Variants in SYT7 observed in about 807,000 individuals in gnomAD.
The protein encoded by SYT7 is synaptotagmin 7.
In SYT7, 29 loss-of-function variants were observed where a neutral mutation model predicts 75.1. The observed-to-expected ratio is 0.39, with a 90% confidence interval of 0.29 to 0.53. The LOEUF (loss-of-function observed/expected upper bound fraction) is 0.53, where lower values mean the gene tolerates loss of function less well. SYT7 is among the 20% of genes least tolerant of loss of function. The probability of loss-of-function intolerance (pLI) is 0.77; values close to 1 mark genes in which losing one functional copy is unlikely to be tolerated. For missense variants in SYT7, 693 were observed against 953.2 expected (o/e 0.73, Z 3.59); for synonymous variants, 376 against 401.7 (o/e 0.94, Z 0.76).
At chr11:61,588,276 T>G in the SYT7 span, among the ~76,000 whole-genome samples, 2 of 152,150 alleles carry the variant, frequency 1.3e-5, no homozygotes, top group African/African-American at 4.8e-5. Flanking sequence ...CCGGCAGCAC[T>G]TACTGAGCTC....
intron 3 of SYT7, among the ~76,000 whole-genome samples, chr11:61,549,466 G>T (rs2063285845): frequency 6.6e-6 from 1 of 152,202 alleles, no homozygotes; most frequent in African/African-American, 2.4e-5. Context: ...GGGGCACAAG[G>T]GCCCTGACGA....
intron 1 of SYT7, among the ~76,000 whole-genome samples, chr11:61,560,984 G>A (rs562025712): frequency 3.3e-4 from 51 of 152,284 alleles, no homozygotes; most frequent in African/African-American, 1.2e-3. Flanking sequence ...GGAACGAGCT[G>A]GCTGCCTCTA....
At chr11:61,567,470 G>T (rs1034989257) in intron 1 of SYT7, among the ~76,000 whole-genome samples, 1 of 152,164 alleles carries the variant, frequency 6.6e-6, no homozygotes, top group African/African-American at 2.4e-5. Flanking sequence ...AGCTCCCAGC[G>T]AGCAGGATCC....
rs556210497 is a variant in SYT7, at chr11:61,548,619, G to A, written c.216-1311C>T. ...GCCTGGGGAAGACTGAGGCTGTGCC[G>A]CTCCCCAAAGCCAAGGTGGGGCAGT... On this transcript the variant is annotated intron_variant, in intron 3 of 12. Transcript: ENST00000539008. Among the ~76,000 whole-genome samples, 459 of 152,216 alleles carry A rather than the reference G, an allele frequency of 3.0e-3. 7 individuals are homozygous for A. The South Asian group carries it at 0.037, about 12-fold the overall frequency.
chr11:61,526,174 TG>T (rs1565167304), intron 9 of SYT7: 1 of 152,224 alleles, frequency 6.6e-6, no homozygotes, highest in East Asian at 1.9e-4. Context: ...GCAGGTGAGC[TG>T]GAAGAGGAGA....
chr11:61,529,706 C>T (rs1467653361), intron 8 of SYT7, among the ~76,000 whole-genome samples: 1 of 152,214 alleles, frequency 6.6e-6, no homozygotes, highest in Admixed American at 6.5e-5. Context: ...GCAATCCTGG[C>T]TCACTGCCAC....
intron 1 of SYT7, among the ~76,000 whole-genome samples, chr11:61,564,911 G>A (rs1033168518): frequency 6.6e-6 from 1 of 152,198 alleles, no homozygotes; most frequent in African/African-American, 2.4e-5. Context: ...CAGGTTGGGG[G>A]CTGGGTATCT....
At chr11:61,585,492 G>T (rs2064367164), upstream of SYT7, among the ~76,000 whole-genome samples, 1 of 152,140 alleles carries the variant, frequency 6.6e-6, no homozygotes, top group South Asian at 2.1e-4. Context: ...GACTTGTTCT[G>T]TCATCCTGTA....
chr11:61,578,660 G>A (rs957559884), intron 1 of SYT7, among the ~76,000 whole-genome samples: 1 of 152,170 alleles, frequency 6.6e-6, no homozygotes, highest in Non-Finnish European at 1.5e-5. Context: ...GGTGGGCAGG[G>A]ATGCCAGAGG....
rs147830521 is a variant in SYT7, at chr11:61,553,453, G to A, written c.136-1990C>T. On this transcript the variant is annotated intron_variant, in intron 2 of 12. Coordinates refer to ENST00000539008, the MANE Select transcript of SYT7 (RefSeq NM_001365809.2). This position sits in a 1 kb window ranked among gnomAD's most constrained non-coding sequence, Gnocchi z 5.2. ...AAGGCAGGGCCGCTGCCCCTTCCCCGAGGCCAGGAAGGGCACGGTCAGCCC... is the reference window on the plus strand; with the variant it reads ...AAGGCAGGGCCGCTGCCCCTTCCCCAAGGCCAGGAAGGGCACGGTCAGCCC... Among the ~76,000 whole-genome samples, 38 of 152,298 alleles carry A rather than the reference G, an allele frequency of 2.5e-4. No homozygotes were observed. Among genetic ancestry groups the A allele is most frequent in the African/African-American group, 8.7e-4 (36 of 41,578 alleles).
In SYT7 at chr11:61,513,868, G is replaced by T. The variant is rs1003230571; in HGVS notation, c.*4759C>A. Among the ~76,000 whole-genome samples the T allele has an allele frequency of 1.3e-5, 2 of 152,202 alleles. No homozygotes were observed. Among genetic ancestry groups the T allele is most frequent in the African/African-American group, 2.4e-5 (1 of 41,448 alleles). ...CACGGGGAGCGGGGCGTCTTCACGG[G>T]AAACAGATGGTCTGGGGAGCCACGA... is the stretch of plus-strand genomic sequence containing the variant. On this transcript the variant is annotated 3_prime_UTR_variant, in exon 13 of 13. Coordinates refer to ENST00000539008, the MANE Select transcript of SYT7 (RefSeq NM_001365809.2).
chr11:61,533,021 G>A lies in SYT7; in HGVS notation c.1168C>T (p.Leu390Phe), dbSNP rs780234051. The A allele has an allele frequency of 1.9e-6, 3 of 1,613,690 alleles. No individual in the cohort carries two copies. The highest frequency in any genetic ancestry group is 2.2e-5 in the East Asian group (1 of 44,876). The change falls in exon 8 of 13, where the codon CTC (leucine) becomes TTC (phenylalanine). Residue 390 changes from leucine to phenylalanine, a missense_variant. This residue lies in a region of SYT7 where 487 missense variants were observed against 593.2 expected (regional missense o/e 0.82). Coordinates refer to ENST00000539008, the MANE Select transcript of SYT7 (RefSeq NM_001365809.2). ...ATCTCGCTGGTGAGGGAGTTGACGAGGTCTGAGACGGAGGAACGTGGCTCG... is the reference window on the plus strand; with the variant it reads ...ATCTCGCTGGTGAGGGAGTTGACGAAGTCTGAGACGGAGGAACGTGGCTCG... The part of the protein sequence containing the change: ...RTEPRSSVSD[L>F]VNSLTSEMLM...
chr11:61,522,159 T>G (rs2062357576), intron 12 of SYT7, among the ~76,000 whole-genome samples: 1 of 151,950 alleles, frequency 6.6e-6, no homozygotes, highest in African/African-American at 2.4e-5. Context: ...AGGTATGAAT[T>G]TTTTGGTTAC....
chr11:61,538,327 A>AG (rs1565180172), intron 6 of SYT7, 61 bp from the exon 7 acceptor site: 2 of 662,584 alleles, frequency 3.0e-6, no homozygotes, highest in Non-Finnish European at 2.1e-6. Flanking sequence ...GGGCGGGGGC[A>AG]GGGGGGAAGG....
chr11:61,516,254 A>G lies in SYT7; in HGVS notation c.*2373T>C, dbSNP rs2062145945. 6.6e-6 allele frequency: 1 copy of G among 152,166 alleles called. No individual in the cohort carries two copies. Among genetic ancestry groups the G allele is most frequent in the South Asian group, 2.1e-4 (1 of 4,822 alleles). 9.4% of individuals were successfully genotyped at this position (152,166 alleles called of 1,614,324 possible). ...TTGCCGCCCCAACATAGCATCCCAG[A>G]GCTCCACCTGCACGTGGTGGTGGTG... On this transcript the variant is annotated 3_prime_UTR_variant, in exon 13 of 13. Transcript: ENST00000539008. The surrounding 1 kb of genome is among the most constrained non-coding windows in gnomAD (Gnocchi z 4.6).
At chr11:61,533,760 G>T in intron 7 of SYT7, 1 of 772,216 alleles carries the variant, frequency 1.3e-6, no homozygotes. Flanking sequence ...TTGAGCATTT[G>T]CAATGTGGCC....
At chr11:61,571,361 A>G (rs186554211) in intron 1 of SYT7, among the ~76,000 whole-genome samples, 6 of 152,342 alleles carry the variant, frequency 3.9e-5, no homozygotes, top group Non-Finnish European at 8.8e-5. Flanking sequence ...GCTGGGTCAC[A>G]TATGTCCACA....
chr11:61,551,453 T>C lies in SYT7; in HGVS notation c.146A>G (p.Tyr49Cys), dbSNP rs767878306. The change falls in exon 3 of 13, where the codon TAC becomes TGC. Residue 49 changes from tyrosine to cysteine, a missense_variant. Transcript: ENST00000539008. This position sits in a 1 kb window ranked among gnomAD's most constrained non-coding sequence, Gnocchi z 5.3. ...GCCCACCGTCTCCAAGGAATTCTTG[T>C]AGCGTTTGCCCTGTGGAGATAGCAC... Reference protein sequence around the residue: ...HWCQRKLGKRYKNSLETVGTP... With the variant: ...HWCQRKLGKRCKNSLETVGTP... 1 of 1,613,750 alleles carries C rather than the reference T, an allele frequency of 6.2e-7. No individual in the cohort carries two copies.
chr11:61,530,915 T>C (rs1256049085), intron 8 of SYT7: 8 of 985,298 alleles, frequency 8.1e-6, no homozygotes, highest in Non-Finnish European at 9.6e-6. Context: ...TCCTGAGCGC[T>C]TGCACCAGCA....
Sources: allele counts gnomAD v4.1 joint callset (sites outside exome capture counted in the v4.1 genomes callset), GRCh38; gene constraint gnomAD v4.1.1; regional missense constraint gnomAD v4.1.1; non-coding constraint Gnocchi (gnomAD v3.1); transcripts MANE v1.5; gene names NCBI Gene and HGNC (gene_info 2026-07-23, HGNC 2026-07-21).